ANP32A: variants seen among roughly 807,000 people sequenced by gnomAD.
ANP32A encodes the protein acidic nuclear phosphoprotein 32 family member A, also known as acidic leucine-rich nuclear phosphoprotein 32 family member A.
A neutral mutation model predicts 33.9 loss-of-function variants in ANP32A; 1 was observed. The observed-to-expected ratio is 0.03, with a 90% confidence interval of 0.01 to 0.14. ANP32A has a LOEUF of 0.14. ANP32A is among the 10% of genes least tolerant of loss of function. ANP32A has a pLI of 1.00. For synonymous variants in ANP32A, 115 were observed against 120.5 expected (o/e 0.95, Z 0.30); for missense variants, 155 against 306.0 (o/e 0.51, Z 3.68).
intron 1 of ANP32A, among the ~76,000 whole-genome samples, chr15:68,803,212 C>T (rs1339593786): frequency 6.6e-6 from 1 of 152,196 alleles, no homozygotes; most frequent in Non-Finnish European, 1.5e-5. Context: ...GGTGGCCTTA[C>T]CTACACCTCA....
chr15:68,797,388 G>A (rs1167696447), intron 1 of ANP32A, among the ~76,000 whole-genome samples: 3 of 152,148 alleles, frequency 2.0e-5, no homozygotes, highest in Non-Finnish European at 4.4e-5. Flanking sequence ...CAGAACCACA[G>A]CACTGCACCC....
chr15:68,787,961 G>C, intron 1 of ANP32A, 42 bp from the exon 2 acceptor site: 1 of 1,612,820 alleles, frequency 6.2e-7, no homozygotes, highest in East Asian at 2.2e-5. Flanking sequence ...TGAGGAATGG[G>C]GCTGAAGCAG....
At chr15:68,784,161 T>A (rs1893904082) in intron 4 of ANP32A, 2 of 584,222 alleles carry the variant, frequency 3.4e-6, no homozygotes, top group Non-Finnish European at 6.1e-6. Context: ...GGACTCATGC[T>A]TTGTTCTTTT....
Position 68,783,942 on chromosome 15 carries a change from G to A in ANP32A, c.526+455C>T, listed in dbSNP as rs141736635. 1.5e-3 allele frequency among the ~76,000 whole-genome samples: 229 copies of A among 152,212 alleles called. 2 individuals carry two copies. Among genetic ancestry groups the A allele is most frequent in the Non-Finnish European group, 2.8e-3 (190 of 68,004 alleles). ...ACTGAATACCTAGATGGGAAAGAGG[G>A]GTCCTCAGGCCACACACTCTTCTCT... is the stretch of plus-strand genomic sequence containing the variant. On this transcript the variant is annotated intron_variant, in intron 4 of 6. Transcript: ENST00000465139.
chr15:68,803,492 C>T (rs1478104742), intron 1 of ANP32A, among the ~76,000 whole-genome samples: 2 of 152,200 alleles, frequency 1.3e-5, no homozygotes, highest in Non-Finnish European at 2.9e-5. Flanking sequence ...ATGTCTTAGC[C>T]TACTTTTATT....
chr15:68,795,106 T>C (rs778028076), intron 1 of ANP32A, among the ~76,000 whole-genome samples: 32 of 152,056 alleles, frequency 2.1e-4, no homozygotes, highest in Admixed American at 1.4e-3. Context: ...AGAACTCACA[T>C]CCCCAGTGGA....
intron 1 of ANP32A, among the ~76,000 whole-genome samples, chr15:68,794,653 G>A (rs910135071): frequency 1.3e-5 from 2 of 152,212 alleles, no homozygotes; most frequent in Admixed American, 6.5e-5. Context: ...TTAGACTGGG[G>A]TGATAGATGC....
At position 68,780,100 on chromosome 15, in the gene ANP32A, T is replaced by C; in HGVS notation, c.731A>G (p.Glu244Gly). 1 of 1,613,690 alleles carries C rather than the reference T, an allele frequency of 6.2e-7. No homozygotes were observed. Among genetic ancestry groups the C allele is most frequent in the South Asian group, 1.1e-5 (1 of 91,074 alleles). The change falls in exon 7 of 7, where the codon GAG becomes GGG. Residue 244 changes from glutamate (E) to glycine (G), a missense_variant. Physicochemically the swap from Glu to Gly is moderately conservative, Grantham distance 98 (BLOSUM62 -2). This residue lies in a region of ANP32A where 63 missense variants were observed against 82.8 expected (regional missense o/e 0.76). Coordinates refer to ENST00000465139, the MANE Select transcript of ANP32A (RefSeq NM_006305.4). This position sits in a 1 kb window ranked among gnomAD's most constrained non-coding sequence, Gnocchi z 4.3. ...GQKRKREPEDEGEDDD is the reference protein window; with the variant it reads ...GQKRKREPEDGGEDDD Reference sequence around the variant, plus strand: ...TTCCACTTAGTCATCATCTTCTCCCTCATCTTCAGGTTCTCGTTTTCGCTT... The same window carrying C: ...TTCCACTTAGTCATCATCTTCTCCCCCATCTTCAGGTTCTCGTTTTCGCTT...
At chr15:68,785,718 G>T (rs555535296) in intron 3 of ANP32A, among the ~76,000 whole-genome samples, 1 of 152,120 alleles carries the variant, frequency 6.6e-6, no homozygotes, top group African/African-American at 2.4e-5. Flanking sequence ...ACTGAGACAC[G>T]TGTGATCTGG....
Position 68,780,165 on chromosome 15 carries a change from TTTAGA to T in ANP32A, c.689-28_689-24del, listed in dbSNP as rs1893849173. On this transcript the variant is annotated intron_variant, in intron 6 of 6. Coordinates refer to ENST00000465139, the MANE Select transcript of ANP32A (RefSeq NM_006305.4). This position sits in a 1 kb window ranked among gnomAD's most constrained non-coding sequence, Gnocchi z 4.3. ...CTTCTGGAAAAGTAAGAAAGCGGCA[TTTAGA>T]TTAGTTATTAATCCCACCTCTTTAA... The T allele has an allele frequency of 6.2e-7, 1 of 1,613,170 alleles. No individual in the cohort carries two copies. The highest frequency in any genetic ancestry group is 8.5e-7 in the Non-Finnish European group (1 of 1,179,494).
At chr15:68,809,048 C>A (rs529239947) in intron 1 of ANP32A, among the ~76,000 whole-genome samples, 5 of 152,140 alleles carry the variant, frequency 3.3e-5, no homozygotes, top group African/African-American at 1.2e-4. Flanking sequence ...GAATCCTTAT[C>A]GTAGCTACTT....
chr15:68,807,031 C>T (rs1894239434), intron 1 of ANP32A, among the ~76,000 whole-genome samples: 1 of 152,244 alleles, frequency 6.6e-6, no homozygotes, highest in Non-Finnish European at 1.5e-5. Flanking sequence ...GGAGCACTGA[C>T]CAGACAGAGA....
chr15:68,791,346 T>C (rs1230748637), intron 1 of ANP32A: 2 of 152,266 alleles, frequency 1.3e-5, no homozygotes, highest in African/African-American at 2.4e-5. Flanking sequence ...CGCTCTTCTT[T>C]TGTTAGCCTT....
At chr15:68,789,781 C>G (rs1465310153) in intron 1 of ANP32A, 3 of 152,434 alleles carry the variant, frequency 2.0e-5, no homozygotes, top group Non-Finnish European at 4.4e-5. Flanking sequence ...AGCAGGAGAA[C>G]CAGGGAGCGC....
At chr15:68,802,587 A>G (rs1470041341) in intron 1 of ANP32A, among the ~76,000 whole-genome samples, 2 of 152,236 alleles carry the variant, frequency 1.3e-5, no homozygotes, top group Non-Finnish European at 2.9e-5. Flanking sequence ...GCTTACGGAT[A>G]AGAGCTGGAA....
Position 68,780,568 on chromosome 15 carries a change from C to T in ANP32A, c.625-95G>A. 1.3e-6 allele frequency: 2 copies of T among 1,548,246 alleles called. No individual in the cohort carries two copies. Among genetic ancestry groups the T allele is most frequent in the East Asian group, 2.3e-5 (1 of 43,852 alleles). ...GAGCACAAAAAGGCCGGGGTCACCC[C>T]CAGCCTCTCAGAGCCCCCACCAAGA... On this transcript the variant is annotated intron_variant, in intron 5 of 6. Transcript: ENST00000465139. The surrounding 1 kb of genome is among the most constrained non-coding windows in gnomAD (Gnocchi z 4.3).
chr15:68,797,814 CTA>C (rs960374581), intron 1 of ANP32A, among the ~76,000 whole-genome samples: 1 of 152,186 alleles, frequency 6.6e-6, no homozygotes, highest in Non-Finnish European at 1.5e-5. Context: ...ATTCTTCCTC[CTA>C]TCTCTCCCCC....
chr15:68,783,153 A>G (rs1053662424), intron 4 of ANP32A, 100 bp from the exon 5 acceptor site: 87 of 1,511,358 alleles, frequency 5.8e-5, no homozygotes, highest in Non-Finnish European at 1.2e-5. Flanking sequence ...TGTGGGGCTC[A>G]TGACCCTCCC....
intron 4 of ANP32A, 80 bp downstream of exon 4, chr15:68,784,317 A>C (rs1337252763): frequency 6.1e-5 from 81 of 1,324,938 alleles, no homozygotes; most frequent in East Asian, 1.1e-4. Flanking sequence ...CACCCAGCCC[A>C]CCCACCTCTG....
Sources: allele counts gnomAD v4.1 joint callset (sites outside exome capture counted in the v4.1 genomes callset), GRCh38; gene constraint gnomAD v4.1.1; regional missense constraint gnomAD v4.1.1; non-coding constraint Gnocchi (gnomAD v3.1); transcripts MANE v1.5; gene names NCBI Gene and HGNC (gene_info 2026-07-23, HGNC 2026-07-21).